Variants in SCUBE1 observed in about 807,000 individuals in gnomAD.
The protein encoded by SCUBE1 is signal peptide, CUB and EGF-like domain-containing protein 1.
In SCUBE1, 59 loss-of-function variants were observed where a neutral mutation model predicts 124.4. The observed-to-expected ratio is 0.47, with a 90% confidence interval of 0.38 to 0.59. The LOEUF is 0.59. Among genes scored for constraint, SCUBE1 ranks in the 20% least tolerant of loss-of-function variants. The pLI is 0.00. For missense variants in SCUBE1, 1,150 were observed against 1,371.2 expected (o/e 0.84, Z 2.55); for synonymous variants, 545 against 550.9 (o/e 0.99, Z 0.15).
In SCUBE1 at chr22:43,198,329, C is replaced by T. The variant is rs1032496418; in HGVS notation, c.*5668G>A. ...GCAGGGGACTGGAGAGGCCTTGAGG[C>T]CATCGCAGCAGATGCTGGGAGGGCA... On this transcript the variant is annotated 3_prime_UTR_variant, in exon 22 of 22. Transcript: ENST00000360835. 21 of 357,970 alleles carry T rather than the reference C, an allele frequency of 5.9e-5. No homozygotes were observed. Among genetic ancestry groups the T allele is most frequent in the Non-Finnish European group, 1.1e-4 (19 of 180,432 alleles). The allele number at this position is 357,970 out of a possible 1,614,324, so 22.2% of individuals were successfully genotyped here. A position where few individuals can be genotyped will look rare whatever the true frequency, so the allele number is the denominator to read the frequency against.
intron 21 of SCUBE1, 59 bp downstream of exon 21, chr22:43,207,475 G>C: frequency 7.3e-7 from 1 of 1,363,836 alleles, no homozygotes; most frequent in Non-Finnish European, 1.1e-6. Flanking sequence ...GGGCGGTCCT[G>C]GCTCATCACA....
At chr22:43,293,133 G>C (rs1398700834) in intron 3 of SCUBE1, among the ~76,000 whole-genome samples, 1 of 152,218 alleles carries the variant, frequency 6.6e-6, no homozygotes, top group Non-Finnish European at 1.5e-5. Flanking sequence ...CCTCAGCCAT[G>C]TCTGCCCCTG....
At chr22:43,285,336 A>G (rs1433905908) in intron 4 of SCUBE1, among the ~76,000 whole-genome samples, 1 of 151,912 alleles carries the variant, frequency 6.6e-6, no homozygotes, top group African/African-American at 2.4e-5. Context: ...TTGTTCCCAG[A>G]CCCATCCTGG....
rs1343932091 is a variant in SCUBE1, at chr22:43,198,535, G to A, written c.*5462C>T. ...CAGAGGCAGCCGCGGTAGAATAGGA[G>A]GCGCTCTCTGCTCTCTCTCCACATC... On this transcript the variant is annotated 3_prime_UTR_variant, in exon 22 of 22. Transcript: ENST00000360835. 1 of 456,670 alleles carries A rather than the reference G, an allele frequency of 2.2e-6. No homozygotes were observed. Among genetic ancestry groups the A allele is most frequent in the Non-Finnish European group, 4.4e-6 (1 of 226,944 alleles). 28.3% of individuals were successfully genotyped at this position (456,670 alleles called of 1,614,324 possible). A position where few individuals can be genotyped will look rare whatever the true frequency, so the allele number is the denominator to read the frequency against.
intron 3 of SCUBE1, among the ~76,000 whole-genome samples, chr22:43,298,020 C>T (rs1925628597): frequency 1.3e-5 from 2 of 152,246 alleles, no homozygotes; most frequent in African/African-American, 4.8e-5. Context: ...AGAGCTCCCA[C>T]CTGGTCCCAG....
chr22:43,253,498 G>A (rs1413788531), intron 6 of SCUBE1, among the ~76,000 whole-genome samples: 4 of 152,140 alleles, frequency 2.6e-5, no homozygotes, highest in African/African-American at 9.7e-5. Flanking sequence ...GGAGGATTCT[G>A]ATAATCATAG....
chr22:43,305,751 G>C (rs1174286431), intron 3 of SCUBE1, among the ~76,000 whole-genome samples: 1 of 152,102 alleles, frequency 6.6e-6, no homozygotes, highest in Non-Finnish European at 1.5e-5. Flanking sequence ...CTGACCCCCT[G>C]GCGGTCAGCA....
chr22:43,232,496 C>T (rs1922595229), intron 7 of SCUBE1: 1 of 153,268 alleles, frequency 6.5e-6, no homozygotes, highest in African/African-American at 2.4e-5. Context: ...AGGGAAAGCA[C>T]CTGGTTCAAG....
intron 6 of SCUBE1, among the ~76,000 whole-genome samples, chr22:43,244,317 G>C (rs1220354764): frequency 6.6e-6 from 1 of 152,230 alleles, no homozygotes; most frequent in Non-Finnish European, 1.5e-5. Flanking sequence ...GCCCCACAGG[G>C]CAGCGCTGTC....
intron 3 of SCUBE1, among the ~76,000 whole-genome samples, chr22:43,319,616 C>G (rs1207443518): frequency 6.7e-6 from 1 of 148,610 alleles, no homozygotes; most frequent in Non-Finnish European, 1.5e-5. Flanking sequence ...ACACTAGACA[C>G]TTGCATGCAA....
At position 43,200,851 on chromosome 22, in the gene SCUBE1, A is replaced by G. The variant is rs2146641860; in HGVS notation, c.*3146T>C. On this transcript the variant is annotated 3_prime_UTR_variant, in exon 22 of 22. Coordinates refer to ENST00000360835, the MANE Select transcript of SCUBE1 (RefSeq NM_173050.5). ...CAACTTTGCCCTGGGCACACTGGGC[A>G]TGGTCTGACCACGGTGGTGAGTCCT... The G allele has an allele frequency of 6.6e-6, 1 of 152,514 alleles. No individual in the cohort carries two copies. Among genetic ancestry groups the G allele is most frequent in the East Asian group, 1.9e-4 (1 of 5,188 alleles). The allele number at this position is 152,514 out of a possible 1,614,324, so 9.4% of individuals were successfully genotyped here.
rs1466527132 is a variant in SCUBE1, at chr22:43,223,432, CT to C, written c.1208-217del. On this transcript the variant is annotated intron_variant, in intron 10 of 21. Coordinates refer to ENST00000360835, the MANE Select transcript of SCUBE1 (RefSeq NM_173050.5). ...GGCTTAGTCCCTCCTCCCCTTCAGG[CT>C]CTAATCCTGGCTGTGAGAAGGTTCA... Among the ~76,000 whole-genome samples the C allele has an allele frequency of 6.6e-5, 10 of 152,298 alleles. 1 individual carries two copies. In the South Asian group the frequency reaches 1.5e-3, roughly 22 times the overall value.
At chr22:43,319,675 C>T (rs1450300393) in intron 3 of SCUBE1, among the ~76,000 whole-genome samples, 1 of 151,918 alleles carries the variant, frequency 6.6e-6, no homozygotes, top group Admixed American at 6.6e-5. Flanking sequence ...TAGCCACCTG[C>T]AAGCCTGACA....
At chr22:43,270,757 G>A (rs1924262617) in intron 4 of SCUBE1, among the ~76,000 whole-genome samples, 1 of 152,242 alleles carries the variant, frequency 6.6e-6, no homozygotes, top group African/African-American at 2.4e-5. Flanking sequence ...CTGACTTGAA[G>A]ACCTGCCCTT....
chr22:43,210,130 G>C lies in SCUBE1; in HGVS notation c.2494C>G (p.Pro832Ala), dbSNP rs1373540558. The change falls in exon 19 of 22, where the codon CCA becomes GCA. Residue 832 changes from proline to alanine, a missense_variant. Transcript: ENST00000360835. The surrounding 1 kb of genome is among the most constrained non-coding windows in gnomAD (Gnocchi z 4.5). ...ACCACGATGAGGATCCTGCGCTTTGGGGGAGGCGCGATGTGCCAGACGCAT... is the reference window on the plus strand; with the variant it reads ...ACCACGATGAGGATCCTGCGCTTTGCGGGAGGCGCGATGTGCCAGACGCAT... ...AECVWHIAPP[P>A]KRRILIVVPE... 6 of 1,612,806 alleles carry C rather than the reference G, an allele frequency of 3.7e-6. No homozygotes were observed. The highest frequency in any genetic ancestry group is 5.1e-6 in the Non-Finnish European group (6 of 1,179,556).
At chr22:43,227,647 A>G in intron 9 of SCUBE1, 151 bp from the exon 10 acceptor site, 3 of 906,420 alleles carry the variant, frequency 3.3e-6, no homozygotes, top group Non-Finnish European at 5.0e-6. Flanking sequence ...CACACGCCAC[A>G]CGCACACACA....
chr22:43,310,872 G>A, intron 3 of SCUBE1, among the ~76,000 whole-genome samples: 1 of 152,114 alleles, frequency 6.6e-6, no homozygotes, highest in East Asian at 1.9e-4. Context: ...TCAACCTCCT[G>A]GGCTCATGCA....
At chr22:43,260,669 C>T (rs192139924) in intron 5 of SCUBE1, among the ~76,000 whole-genome samples, 109 of 152,368 alleles carry the variant, frequency 7.2e-4, no homozygotes, top group African/African-American at 2.4e-3. Context: ...AGGCCCTTCA[C>T]GGGAGGCCTC....
Position 43,220,508 on chromosome 22 carries a change from C to T in SCUBE1, c.1629G>A (p.Lys543=). 6.2e-7 allele frequency: 1 copy of T among 1,614,140 alleles called. No individual in the cohort carries two copies. The highest frequency in any genetic ancestry group is 1.1e-5 in the South Asian group (1 of 91,084). The change falls in exon 14 of 22, where the codon AAG becomes AAA. Residue 543 remains lysine, a synonymous_variant. Coordinates refer to ENST00000360835, the MANE Select transcript of SCUBE1 (RefSeq NM_173050.5). ...KRRRGRKSPS[K]EVSHITAEFE... is the part of the protein sequence containing the mutation. Reference sequence around the variant, plus strand: ...ACTCTGCTGTGATGTGGGACACCTCCTTGGATGGGGACTTGCGGCCACGGC... The same window carrying T: ...ACTCTGCTGTGATGTGGGACACCTCTTTGGATGGGGACTTGCGGCCACGGC...
Sources: allele counts gnomAD v4.1 joint callset (sites outside exome capture counted in the v4.1 genomes callset), GRCh38; gene constraint gnomAD v4.1.1; non-coding constraint Gnocchi (gnomAD v3.1); transcripts MANE v1.5; gene names NCBI Gene and HGNC (gene_info 2026-07-23, HGNC 2026-07-21).